PYCR1: variants seen among roughly 807,000 people sequenced by gnomAD.
PYCR1 encodes the protein pyrroline-5-carboxylate reductase 1.
In PYCR1, 19 loss-of-function variants were observed where a neutral mutation model predicts 22.9. The ratio of observed to expected loss-of-function variants is 0.83; its 90% CI spans 0.58 to 1.22. The LOEUF (loss-of-function observed/expected upper bound fraction) is 1.22, where lower values mean the gene tolerates loss of function less well. Ranked by LOEUF, PYCR1 falls within the 50% of genes most tolerant of loss-of-function variation. The pLI is 0.00. For missense variants in PYCR1, 429 were observed against 431.3 expected, an observed-to-expected ratio of 0.99 and a Z score of 0.05; for synonymous variants, 175 against 180.5, an observed-to-expected ratio of 0.97 and a Z score of 0.24.
Position 81,934,753 on chromosome 17 carries a change from G to C in PYCR1, c.541-8C>G. 6.4e-7 allele frequency: 1 copy of C among 1,551,668 alleles called. No homozygotes were observed. Among genetic ancestry groups the C allele is most frequent in the South Asian group, 1.2e-5 (1 of 84,330 alleles). On this transcript the variant is annotated splice_region_variant and splice_polypyrimidine_tract_variant and intron_variant, in intron 4 of 6. Transcript: ENST00000329875. ...ATCCAGGGCTGTGAATGCCTGTGGG[G>C]AGAAGGCACCCTGAGCCTCTCTCCT...
chr17:81,936,989 C>T lies in PYCR1; in HGVS notation c.-175G>A. The T allele has an allele frequency of 6.8e-7, 1 of 1,478,190 alleles. No homozygotes were observed. Among genetic ancestry groups the T allele is most frequent in the Non-Finnish European group, 9.0e-7 (1 of 1,114,792 alleles). The allele number at this position is 1,478,190 out of a possible 1,614,324, so 91.6% of individuals were successfully genotyped here. ...TCTAACTTTCCACTTTGCTGTCCGGCCCGTTAACTGCTTCGGGGCCCCCAG... is the reference window on the plus strand; with the variant it reads ...TCTAACTTTCCACTTTGCTGTCCGGTCCGTTAACTGCTTCGGGGCCCCCAG... On this transcript the variant is annotated 5_prime_UTR_variant, in exon 1 of 7. Transcript: ENST00000329875.
At chr17:81,935,243 G>C in intron 3 of PYCR1, 94 bp downstream of exon 3, 1 of 1,576,574 alleles carries the variant, frequency 6.3e-7, no homozygotes, top group African/African-American at 1.3e-5. Flanking sequence ...AGTGGGCCGG[G>C]ACGCTGCAAC....
At position 81,935,309 on chromosome 17, in the gene PYCR1, C is replaced by T. The variant is rs1470073075; in HGVS notation, c.318+28G>A. On this transcript the variant is annotated intron_variant, in intron 3 of 6. Transcript: ENST00000329875. ...GGCCCGGGCTCTAGACAGCCCCTCT[C>T]CACACCCCACTGGGCCTGCGGTGCT... 3 of 1,610,394 alleles carry T rather than the reference C, an allele frequency of 1.9e-6. No individual in the cohort carries two copies. In the South Asian group the frequency reaches 3.3e-5, roughly 18 times the overall value.
Position 81,935,120 on chromosome 17 carries a change from TG to T in PYCR1, c.345del (p.Arg116GlyfsTer6), listed in dbSNP as rs758601634. ...EKKLSAFRPAPRVIRCMTNTP... is the reference protein window; with the variant it reads ...EKKLSAFRPAXRVIRCMTNTP... ...GTGTTGGTCATGCAGCGGATGACCC[TG>T]GGGGCTGGCCGAAACGCTGACAGCT... On this transcript the variant is annotated frameshift_variant, in exon 4 of 7. Coordinates refer to ENST00000329875, the MANE Select transcript of PYCR1 (RefSeq NM_006907.4). LOFTEE classifies it high-confidence loss of function. 8 of 1,609,172 alleles carry T rather than the reference TG, an allele frequency of 5.0e-6. No individual in the cohort carries two copies. The East Asian group carries it at 1.6e-4, about 31-fold the overall frequency.
In PYCR1 at chr17:81,937,252, T is replaced by C; in HGVS notation, c.-438A>G. 1.5e-6 allele frequency: 2 copies of C among 1,368,864 alleles called. No individual in the cohort carries two copies. Among genetic ancestry groups the C allele is most frequent in the East Asian group, 3.0e-5 (1 of 33,762 alleles). 84.8% of individuals were successfully genotyped at this position (1,368,864 alleles called of 1,614,324 possible). A position where few individuals can be genotyped will look rare whatever the true frequency, so the allele number is the denominator to read the frequency against. On this transcript the variant is annotated 5_prime_UTR_variant, in exon 1 of 7. Coordinates refer to ENST00000329875, the MANE Select transcript of PYCR1 (RefSeq NM_006907.4). ...CCCCAACCCAGCTACCGTGCGCGGG[T>C]CGTACCCACCCCTCAGCGCTGCGGC...
chr17:81,934,847 TC>T, intron 4 of PYCR1, 78 bp downstream of exon 4: 1 of 1,563,878 alleles, frequency 6.4e-7, no homozygotes, highest in African/African-American at 1.4e-5. Context: ...ACCCTGGCCC[TC>T]CCAGGGGGAG....
chr17:81,937,139 G>A lies in PYCR1; in HGVS notation c.-325C>T. ...GAGAGGGAGGGCCCGGCGCCTAGGGGTCCCCCGTCTGGGTTCCCACCCCGC... is the reference window on the plus strand; with the variant it reads ...GAGAGGGAGGGCCCGGCGCCTAGGGATCCCCCGTCTGGGTTCCCACCCCGC... On this transcript the variant is annotated 5_prime_UTR_variant, in exon 1 of 7. Transcript: ENST00000329875. 1 of 1,431,624 alleles carries A rather than the reference G, an allele frequency of 7.0e-7. No individual in the cohort carries two copies. Among genetic ancestry groups the A allele is most frequent in the Non-Finnish European group, 9.1e-7 (1 of 1,097,244 alleles). The allele number at this position is 1,431,624 out of a possible 1,614,324, so 88.7% of individuals were successfully genotyped here.
intron 1 of PYCR1, 53 bp from the exon 2 acceptor site, chr17:81,936,246 G>T (rs1394413005): frequency 9.4e-6 from 14 of 1,489,184 alleles, no homozygotes; most frequent in Admixed American, 3.5e-5. Flanking sequence ...TTTTTTTTGA[G>T]ACGGAGTCTC....
In PYCR1 at chr17:81,932,647, A is replaced by G; in HGVS notation, c.*567T>C. 1 of 602,812 alleles carries G rather than the reference A, an allele frequency of 1.7e-6. No individual in the cohort carries two copies. The highest frequency in any genetic ancestry group is 2.9e-6 in the Non-Finnish European group (1 of 344,674). 37.3% of individuals were successfully genotyped at this position (602,812 alleles called of 1,614,324 possible). ...AGGAGCAGGAGGTGGTGGCCACAGAAGTTCACCAGCAGCCCAAGGAGCCCT... is the reference window on the plus strand; with the variant it reads ...AGGAGCAGGAGGTGGTGGCCACAGAGGTTCACCAGCAGCCCAAGGAGCCCT... On this transcript the variant is annotated 3_prime_UTR_variant, in exon 7 of 7. Transcript: ENST00000329875.
chr17:81,936,224 T>C lies in PYCR1; in HGVS notation c.68-31A>G, dbSNP rs766017158. On this transcript the variant is annotated intron_variant, in intron 1 of 6. Coordinates refer to ENST00000329875, the MANE Select transcript of PYCR1 (RefSeq NM_006907.4). The stretch of plus-strand genomic sequence containing the variant: ...GGGAGAAACAGTTCCTCTTCAGTTC[T>C]TTATTATTTTTTTTTTTTTGAGACG... 13 of 1,605,270 alleles carry C rather than the reference T, an allele frequency of 8.1e-6. No individual in the cohort carries two copies. The East Asian group carries it at 2.7e-4, about 33-fold the overall frequency.
chr17:81,934,104 C>T, intron 6 of PYCR1: 1 of 649,480 alleles, frequency 1.5e-6, no homozygotes, highest in South Asian at 1.7e-5. Flanking sequence ...GGCACAGCAT[C>T]CGGGTCCCTC....
Position 81,933,420 on chromosome 17 carries a change from C to T in PYCR1, c.798-44G>A, listed in dbSNP as rs867263260. On this transcript the variant is annotated intron_variant, in intron 6 of 6. Transcript: ENST00000329875. The stretch of plus-strand genomic sequence containing the variant: ...GTTGGCTTTGGAGCACAAGCGTGCA[C>T]CCAGGAAGAGGGAGTGAAGCCCACA... 6 of 1,609,056 alleles carry T rather than the reference C, an allele frequency of 3.7e-6. No homozygotes were observed. In the Middle Eastern group the frequency reaches 9.9e-4, roughly 266 times the overall value.
intron 5 of PYCR1, 68 bp from the exon 6 acceptor site, chr17:81,934,557 C>T (rs2041110274): frequency 2.6e-6 from 4 of 1,557,834 alleles, no homozygotes; most frequent in South Asian, 2.4e-5. Flanking sequence ...GCCCCAGCCA[C>T]TGTAGCACAC....
intron 5 of PYCR1, 61 bp downstream of exon 5, chr17:81,934,592 C>T (rs1278303390): frequency 1.3e-6 from 2 of 1,548,592 alleles, no homozygotes; most frequent in Non-Finnish European, 1.7e-6. Context: ...TGGCTCCTCC[C>T]AGTGAAGCCC....
chr17:81,932,505 ACAGG>A lies in PYCR1; in HGVS notation c.*705_*708del. 2.9e-6 allele frequency: 1 copy of A among 344,916 alleles called. No homozygotes were observed. The highest frequency in any genetic ancestry group is 5.6e-6 in the Non-Finnish European group (1 of 177,796). The allele number at this position is 344,916 out of a possible 1,614,324, so 21.4% of individuals were successfully genotyped here. A position where few individuals can be genotyped will look rare whatever the true frequency, so the allele number is the denominator to read the frequency against. ...CCACCCACAGTAACCACCCTCCCAC[ACAGG>A]CAGGGCCTCCCTCCTCATGTGGCAG... On this transcript the variant is annotated 3_prime_UTR_variant, in exon 7 of 7. Transcript: ENST00000329875.
In PYCR1 at chr17:81,932,773, C is replaced by T. The variant is rs1007030529; in HGVS notation, c.*441G>A. 45 of 1,448,622 alleles carry T rather than the reference C, an allele frequency of 3.1e-5. No individual in the cohort carries two copies. The highest frequency in any genetic ancestry group is 5.6e-5 in the African/African-American group (4 of 70,982). The allele number at this position is 1,448,622 out of a possible 1,614,324, so 89.7% of individuals were successfully genotyped here. ...CCTGGACCCTCTGGCCCTTCTCACA[C>T]GGGAAGGAGAGGTTTCTCCCTGAAT... is the stretch of plus-strand genomic sequence containing the variant. On this transcript the variant is annotated 3_prime_UTR_variant, in exon 7 of 7. Coordinates refer to ENST00000329875, the MANE Select transcript of PYCR1 (RefSeq NM_006907.4).
chr17:81,934,314 G>C lies in PYCR1; in HGVS notation c.797+12C>G, dbSNP rs370499856. 1.1e-5 allele frequency: 18 copies of C among 1,612,456 alleles called. No individual in the cohort carries two copies. The highest frequency in any genetic ancestry group is 1.5e-5 in the Non-Finnish European group (18 of 1,179,948). On this transcript the variant is annotated intron_variant, in intron 6 of 6. Transcript: ENST00000329875. ...ACTGGAGACCAGGGAAGCGGGCAGC[G>C]CGGGGGCCCACCGTGTGCGGATGCA...
chr17:81,936,185 C>T lies in PYCR1; in HGVS notation c.76G>A (p.Ala26Thr), dbSNP rs765529839. 1.2e-6 allele frequency: 2 copies of T among 1,613,704 alleles called. No homozygotes were observed. The highest frequency in any genetic ancestry group is 1.7e-6 in the Non-Finnish European group (2 of 1,179,790). Residue 26 changes from alanine (A) to threonine (T), a missense_variant, in exon 2 of 7, where the codon GCT becomes ACT. Coordinates refer to ENST00000329875, the MANE Select transcript of PYCR1 (RefSeq NM_006907.4). ...AKGFTAAGVL[A>T]AHKIMASSPD... ...GAGCTAGCCATTATCTTGTGGGCAG[C>T]CAAGACGCCTGAGGGGAGAAACAGT...
At position 81,934,742 on chromosome 17, in the gene PYCR1, A is replaced by G; in HGVS notation, c.544T>C (p.Phe182Leu). 1.3e-6 allele frequency: 2 copies of G among 1,554,616 alleles called. 1 individual carries two copies. ...GLSGSGPAYA[F>L]TALDALADGG... ...TCAGCCAGGGCATCCAGGGCTGTGA[A>G]TGCCTGTGGGGAGAAGGCACCCTGA... Residue 182 changes from phenylalanine (F) to leucine (L), a missense_variant, in exon 5 of 7, where the codon TTC (phenylalanine) becomes CTC (leucine). By Grantham distance (22) the Phe-to-Leu change is conservative. Coordinates refer to ENST00000329875, the MANE Select transcript of PYCR1 (RefSeq NM_006907.4).
Sources: gnomAD v4.1 joint callset for allele counts on GRCh38, gnomAD v4.1.1 for gene constraint, MANE v1.5 for transcripts, NCBI Gene and HGNC (gene_info 2026-07-23, HGNC 2026-07-21) for gene names.